SP140L: variants seen among roughly 807,000 people sequenced by gnomAD.
The protein encoded by SP140L is SP140 like nuclear body protein.
SP140L carries 64 observed loss-of-function variants against 84.3 expected under a neutral mutation model. That is an observed-to-expected ratio of 0.76 (90% CI 0.62 to 0.94). The LOEUF (loss-of-function observed/expected upper bound fraction) is 0.94. SP140L is among the 40% of genes least tolerant of loss of function. The pLI is 0.00. For missense variants in SP140L, 628 were observed against 692.5 expected (o/e 0.91, Z 1.05); for synonymous variants, 242 against 236.9 (o/e 1.02, Z -0.20).
At chr2:230,337,562 C>A (rs1227602072) in intron 2 of SP140L, among the ~76,000 whole-genome samples, 2 of 152,000 alleles carry the variant, frequency 1.3e-5, no homozygotes, top group Non-Finnish European at 2.9e-5. Context: ...GACATGAAGT[C>A]CTTGCCCATG....
intron 2 of SP140L, among the ~76,000 whole-genome samples, chr2:230,349,034 T>C (rs1012601785): frequency 2.6e-5 from 4 of 152,234 alleles, no homozygotes; most frequent in Non-Finnish European, 5.9e-5. Context: ...AGATCCATGA[T>C]CCATTTTTAG....
chr2:230,380,014 G>A (rs2061356373), intron 7 of SP140L, among the ~76,000 whole-genome samples: 1 of 152,012 alleles, frequency 6.6e-6, no homozygotes, highest in Non-Finnish European at 1.5e-5. Context: ...ATCTGTATTA[G>A]CCCATTTTTA....
At chr2:230,339,801 C>T (rs1188613211) in intron 2 of SP140L, among the ~76,000 whole-genome samples, 59 of 129,472 alleles carry the variant, frequency 4.6e-4, no homozygotes, top group African/African-American at 9.7e-4. Context: ...TGTAGTTGAG[C>T]GGTTTTGAGT....
rs981951924 is a variant in SP140L at position 230,375,410 on chromosome 2, C to A, written c.637+3759C>A. Among the ~76,000 whole-genome samples, 24 of 152,018 alleles carry A rather than the reference C, an allele frequency of 1.6e-4. 1 individual carries two copies. The highest frequency in any genetic ancestry group is 1.6e-3 in the Admixed American group (24 of 15,258). ...GGTTTCATTTCCTTTGGATACATAC[C>A]CCCAAATTAGATTTCTGAATGGCAT... is the stretch of plus-strand genomic sequence containing the variant. On this transcript the variant is annotated intron_variant, in intron 7 of 18. Transcript: ENST00000415673.
chr2:230,328,327 T>C (rs562774502), intron 1 of SP140L, among the ~76,000 whole-genome samples: 1 of 152,350 alleles, frequency 6.6e-6, no homozygotes, highest in East Asian at 1.9e-4. Flanking sequence ...ATAACTTTTC[T>C]CATATTTTTC....
chr2:230,374,697 C>G (rs547274921), intron 7 of SP140L, among the ~76,000 whole-genome samples: 22 of 152,300 alleles, frequency 1.4e-4, no homozygotes, highest in Middle Eastern at 6.8e-3. Flanking sequence ...GCCATCCACA[C>G]CCAGGCAAGA....
Position 230,327,202 on chromosome 2 carries a change from G to A in SP140L, c.-68G>A, listed in dbSNP as rs776356092. On this transcript the variant is annotated 5_prime_UTR_variant, in exon 1 of 19. Coordinates refer to ENST00000415673, the MANE Select transcript of SP140L (RefSeq NM_138402.6). The stretch of plus-strand genomic sequence containing the variant: ...CCGGGTCAGGGCAGCCACACTGCAC[G>A]CAGGCTGGGCCGACTGGGGAGCTCA... The A allele has an allele frequency of 3.1e-5, 48 of 1,543,762 alleles. No homozygotes were observed. Among genetic ancestry groups the A allele is most frequent in the East Asian group, 4.7e-5 (2 of 42,208 alleles).
At chr2:230,391,848 T>C (rs1260949435) in intron 11 of SP140L, 2 of 442,088 alleles carry the variant, frequency 4.5e-6, no homozygotes, top group African/African-American at 3.9e-5. Context: ...CTCTTGCTGA[T>C]AACCATCACT....
At chr2:230,361,898 G>A (rs150130951) in intron 5 of SP140L, among the ~76,000 whole-genome samples, 3 of 152,284 alleles carry the variant, frequency 2.0e-5, no homozygotes, top group Non-Finnish European at 4.4e-5. Context: ...GACATTGTTG[G>A]CTCAATAACC....
intron 7 of SP140L, 25 bp from the exon 8 acceptor site, chr2:230,383,485 T>C: frequency 6.3e-7 from 1 of 1,576,850 alleles, no homozygotes; most frequent in Middle Eastern, 1.7e-4. Flanking sequence ...TCTGTATAAT[T>C]AACTTTATTC....
chr2:230,362,246 T>C (rs1040028921), intron 5 of SP140L, among the ~76,000 whole-genome samples: 6 of 152,208 alleles, frequency 3.9e-5, no homozygotes, highest in African/African-American at 1.4e-4. Context: ...TCAGGTTTGG[T>C]TGAAATGGGG....
At chr2:230,382,262 C>T (rs2061434827) in intron 7 of SP140L, among the ~76,000 whole-genome samples, 1 of 151,590 alleles carries the variant, frequency 6.6e-6, no homozygotes, top group Non-Finnish European at 1.5e-5. Flanking sequence ...CCCCTGCCGT[C>T]TCATGCCTGG....
intron 7 of SP140L, among the ~76,000 whole-genome samples, chr2:230,376,400 T>A (rs926836846): frequency 6.6e-6 from 1 of 152,116 alleles, no homozygotes; most frequent in African/African-American, 2.4e-5. Context: ...TTCAGTAAAG[T>A]TGCAAGATTT....
intron 3 of SP140L, 104 bp from the exon 4 acceptor site, chr2:230,358,860 C>A (rs1357877207): frequency 3.3e-6 from 3 of 911,972 alleles, no homozygotes; most frequent in Non-Finnish European, 4.9e-6. Context: ...GAGAAGATAC[C>A]TCTGAAGAGA....
At chr2:230,328,084 G>T (rs1370191616) in intron 1 of SP140L, among the ~76,000 whole-genome samples, 1 of 152,044 alleles carries the variant, frequency 6.6e-6, no homozygotes, top group Non-Finnish European at 1.5e-5. Context: ...TTGAGACAGG[G>T]TCTCACTCTG....
chr2:230,340,864 G>A (rs1328640083), intron 2 of SP140L, among the ~76,000 whole-genome samples: 6 of 148,070 alleles, frequency 4.1e-5, no homozygotes, highest in Admixed American at 1.3e-4. Context: ...GAGATCCGCT[G>A]TTAGTCTGAT....
At chr2:230,340,283 A>G (rs1033163609) in intron 2 of SP140L, among the ~76,000 whole-genome samples, 5 of 147,806 alleles carry the variant, frequency 3.4e-5, no homozygotes, top group Admixed American at 6.7e-5. Flanking sequence ...GTTGGTTTAA[A>G]GTCTGTTTTA....
chr2:230,331,521 G>A (rs1432819482), intron 2 of SP140L, among the ~76,000 whole-genome samples: 2 of 152,124 alleles, frequency 1.3e-5, no homozygotes, highest in Non-Finnish European at 2.9e-5. Context: ...TGATCTTCTA[G>A]GTAGTGTTCT....
At chr2:230,374,858 A>G (rs1575502486) in intron 7 of SP140L, among the ~76,000 whole-genome samples, 1 of 152,234 alleles carries the variant, frequency 6.6e-6, no homozygotes, top group East Asian at 1.9e-4. Context: ...TATAGTATAA[A>G]CATAATTTTC....
Sources: allele counts gnomAD v4.1 joint callset (sites outside exome capture counted in the v4.1 genomes callset), GRCh38; gene constraint gnomAD v4.1.1; transcripts MANE v1.5; gene names NCBI Gene and HGNC (gene_info 2026-07-23, HGNC 2026-07-21).